ARHGEF18: variants seen among roughly 807,000 people sequenced by gnomAD.
ARHGEF18 encodes Rho/Rac guanine nucleotide exchange factor 18.
ARHGEF18 carries 93 observed loss-of-function variants against 155.7 expected under a neutral mutation model. The ratio of observed to expected loss-of-function variants is 0.60; its 90% CI spans 0.50 to 0.71. The LOEUF is 0.71. Ranked by LOEUF, ARHGEF18 falls within the 30% of genes least tolerant of loss-of-function variation. The pLI is 0.00. For synonymous variants in ARHGEF18, 742 were observed against 753.1 expected, an observed-to-expected ratio of 0.99 and a Z score of 0.24; for missense variants, 1,593 against 1,816.1, an observed-to-expected ratio of 0.88 and a Z score of 2.23.
intron 1 of ARHGEF18, among the ~76,000 whole-genome samples, chr19:7,356,534 A>G (rs1483501707): frequency 6.6e-6 from 1 of 152,082 alleles, no homozygotes; most frequent in Non-Finnish European, 1.5e-5. Flanking sequence ...TCGGCCTCCC[A>G]AAGTGCTGGG....
chr19:7,464,430 TGTGCTGCAGACGC>T (rs1976487824), intron 22 of ARHGEF18, 117 bp from the exon 23 acceptor site: 66 of 1,145,520 alleles, frequency 5.8e-5, no homozygotes, highest in Non-Finnish European at 7.7e-5. Context: ...AGCAGGCGTC[TGTGCTGCAGACGC>T]CACCATTCGG....
chr19:7,391,546 C>G (rs571751966), intron 10 of ARHGEF18, among the ~76,000 whole-genome samples: 129 of 152,256 alleles, frequency 8.5e-4, no homozygotes, highest in African/African-American at 3.0e-3. Context: ...TGTTCATACA[C>G]GTCATACACA....
At chr19:7,370,160 C>G (rs111238507) in intron 2 of ARHGEF18, among the ~76,000 whole-genome samples, 31,761 of 151,290 alleles carry the variant, frequency 0.21, 4,000 homozygotes, top group Non-Finnish European at 0.28. Context: ...TGGTGCCACT[C>G]CACTCCAGCC....
intron 3 of ARHGEF18, 110 bp downstream of exon 3, chr19:7,373,181 G>T: frequency 8.2e-7 from 1 of 1,213,322 alleles, no homozygotes; most frequent in Admixed American, 4.2e-5. Flanking sequence ...ACCTGCCGTG[G>T]TCCCCAACCT....
At chr19:7,375,361 G>A (rs529013139) in intron 3 of ARHGEF18, among the ~76,000 whole-genome samples, 3,319 of 122,660 alleles carry the variant, frequency 0.027, 59 homozygotes, top group South Asian at 0.047. Flanking sequence ...AGAAAAGGAA[G>A]GAAGGAAGGA....
At position 7,464,505 on chromosome 19, in the gene ARHGEF18, T is replaced by C; in HGVS notation, c.2774-55T>C. 4.5e-6 allele frequency: 7 copies of C among 1,558,230 alleles called. No homozygotes were observed. In the South Asian group the frequency reaches 8.3e-5, roughly 18 times the overall value. ...AGGGGCTGGGGGTGGACTGGGAAGC[T>C]TCCCCCTCCCCACGGGATGGCAGCA... is the stretch of plus-strand genomic sequence containing the variant. On this transcript the variant is annotated intron_variant, in intron 22 of 28. Transcript: ENST00000668164.
rs1280989162 is a variant in ARHGEF18, at chr19:7,367,771, ATACACATATATATATTT to A, written c.15+4869_15+4885del. ...CAAAAAAAAAAAAATATATATATAT[ATACACATATATATATTT>A]TATATATATATACACATATATATAT... On this transcript the variant is annotated intron_variant, in intron 2 of 28. Coordinates refer to ENST00000668164, the MANE Select transcript of ARHGEF18 (RefSeq NM_001367823.1). 6.9e-4 allele frequency among the ~76,000 whole-genome samples: 86 copies of A among 123,926 alleles called. 1 individual carries two copies. Among genetic ancestry groups the A allele is most frequent in the Non-Finnish European group, 8.8e-4 (55 of 62,526 alleles). The allele number at this position is 123,926 out of a possible 152,430, so 81.3% of individuals were successfully genotyped here.
At chr19:7,446,497 C>G (rs967173569) in intron 14 of ARHGEF18, among the ~76,000 whole-genome samples, 13 of 152,022 alleles carry the variant, frequency 8.6e-5, no homozygotes, top group Admixed American at 8.5e-4. Context: ...AATCCCAGCA[C>G]TTTGGGAAGA....
intron 3 of ARHGEF18, 75 bp from the exon 4 acceptor site, chr19:7,375,644 GC>G: frequency 3.3e-6 from 4 of 1,224,146 alleles, no homozygotes; most frequent in East Asian, 3.2e-5. Flanking sequence ...GTTCTTTCAA[GC>G]CCCCCTGGAT....
chr19:7,393,942 G>C (rs937447511), intron 10 of ARHGEF18, among the ~76,000 whole-genome samples: 2 of 151,100 alleles, frequency 1.3e-5, no homozygotes, highest in Non-Finnish European at 2.9e-5. Context: ...ATCTATGTTG[G>C]GGTGTCTGAG....
At chr19:7,363,255 G>T (rs1354453575) in intron 2 of ARHGEF18, among the ~76,000 whole-genome samples, 2 of 151,904 alleles carry the variant, frequency 1.3e-5, no homozygotes, top group African/African-American at 4.8e-5. Context: ...TGAATAGAAG[G>T]GTGGCTGGGT....
At chr19:7,474,038 T>TA (rs201547571), downstream of ARHGEF18, among the ~76,000 whole-genome samples, 4,927 of 144,422 alleles carry the variant, frequency 0.034, 128 homozygotes, top group East Asian at 0.11. Flanking sequence ...AAATGAAATT[T>TA]AAAAAAAAAA....
rs1974874175 is a variant in ARHGEF18, at chr19:7,444,532, A to T, written c.1611+78A>T. 6.4e-7 allele frequency: 1 copy of T among 1,555,314 alleles called. No homozygotes were observed. Among genetic ancestry groups the T allele is most frequent in the Non-Finnish European group, 8.7e-7 (1 of 1,153,408 alleles). Reference sequence around the variant, plus strand: ...TGTTCCTTTCTTCTTTTTTTCTGAGATAGGGTCTTGCCGTGTCGCCCAGGC... The same window carrying T: ...TGTTCCTTTCTTCTTTTTTTCTGAGTTAGGGTCTTGCCGTGTCGCCCAGGC... On this transcript the variant is annotated intron_variant, in intron 14 of 28. Transcript: ENST00000668164. The surrounding 1 kb of genome is among the most constrained non-coding windows in gnomAD (Gnocchi z 4.7).
chr19:7,385,871 C>CTCTCTCTCTCT (rs1568285796), intron 10 of ARHGEF18, among the ~76,000 whole-genome samples: 1 of 66,704 alleles, frequency 1.5e-5, no homozygotes, highest in African/African-American at 1.0e-4. Context: ...CTCTCTCTCT[C>CTCTCTCTCTCT]CCCCCTCCCT....
chr19:7,460,118 T>C (rs1839328338), intron 20 of ARHGEF18, 124 bp downstream of exon 20: 5 of 896,392 alleles, frequency 5.6e-6, no homozygotes, highest in South Asian at 3.0e-5. Flanking sequence ...GGCTGTGCCA[T>C]GTCCTGCAGC....
At chr19:7,452,268 G>T (rs1336261223) in intron 16 of ARHGEF18, among the ~76,000 whole-genome samples, 1 of 152,202 alleles carries the variant, frequency 6.6e-6, no homozygotes, top group Non-Finnish European at 1.5e-5. Flanking sequence ...TCTGGAGCCA[G>T]GGAGGCAGAG....
At chr19:7,366,179 C>T (rs1969878406) in intron 2 of ARHGEF18, among the ~76,000 whole-genome samples, 1 of 152,190 alleles carries the variant, frequency 6.6e-6, no homozygotes, top group Admixed American at 6.5e-5. Flanking sequence ...CTCCTGGACT[C>T]ATGTGATCCA....
chr19:7,445,154 GC>G (rs1974907697), intron 14 of ARHGEF18, among the ~76,000 whole-genome samples: 1 of 152,170 alleles, frequency 6.6e-6, no homozygotes, highest in Admixed American at 6.6e-5. Flanking sequence ...ACCGTTCAAA[GC>G]TTACCTGTTG....
intron 18 of ARHGEF18, among the ~76,000 whole-genome samples, chr19:7,456,892 G>A (rs533087148): frequency 4.6e-5 from 7 of 152,114 alleles, no homozygotes; most frequent in South Asian, 2.1e-4. Flanking sequence ...CCGCCACCAC[G>A]CCTGGCTAAT....
Sources: allele counts gnomAD v4.1 joint callset (sites outside exome capture counted in the v4.1 genomes callset), GRCh38; gene constraint gnomAD v4.1.1; non-coding constraint Gnocchi (gnomAD v3.1); transcripts MANE v1.5; gene names NCBI Gene and HGNC (gene_info 2026-07-23, HGNC 2026-07-21).